Variants in MEGF8 observed in about 807,000 individuals in gnomAD.
The protein encoded by MEGF8 is multiple EGF like domains 8.
In MEGF8, 156 loss-of-function variants were observed where a neutral mutation model predicts 302.9. The observed-to-expected ratio is 0.52, with a 90% CI of 0.45 to 0.59. MEGF8 has a LOEUF of 0.59. MEGF8 is among the 20% of genes least tolerant of loss of function. The pLI is 0.00. For missense variants in MEGF8, 3,345 were observed against 3,964.5 expected (o/e 0.84, Z 4.20); for synonymous variants, 1,621 against 1,660.5 (o/e 0.98, Z 0.58).
In MEGF8 at chr19:42,326,175, C is replaced by A; in HGVS notation, c.-69C>A. The stretch of plus-strand genomic sequence containing the variant: ...GAGGTCGCATTTGCAGGGCCTCACC[C>A]CGGGTAGAGGGTCCTCTCCAGGTTT... On this transcript the variant is annotated 5_prime_UTR_variant, in exon 1 of 42. Transcript: ENST00000251268. 2 of 1,433,982 alleles carry A rather than the reference C, an allele frequency of 1.4e-6. No individual in the cohort carries two copies. Among genetic ancestry groups the A allele is most frequent in the Non-Finnish European group, 9.1e-7 (1 of 1,099,618 alleles). The allele number at this position is 1,433,982 out of a possible 1,614,324, so 88.8% of individuals were successfully genotyped here. A position where few individuals can be genotyped will look rare whatever the true frequency, so the allele number is the denominator to read the frequency against.
chr19:42,360,638 C>T, intron 31 of MEGF8, 137 bp from the exon 32 acceptor site: 1 of 1,471,752 alleles, frequency 6.8e-7, no homozygotes, highest in South Asian at 1.4e-5. Flanking sequence ...AGCCACCGCC[C>T]TTGGCCTTGT....
rs1341443595 is a variant in MEGF8, at chr19:42,335,995, TG to T, written c.895del (p.Ala299LeufsTer81). 6.5e-7 allele frequency: 1 copy of T among 1,540,612 alleles called. No individual in the cohort carries two copies. The highest frequency in any genetic ancestry group is 2.0e-5 in the Admixed American group (1 of 50,998). Reference protein sequence around the residue: ...AGSLVLMGGELADGSLTNDVW... With the variant: ...AGSLVLMGGEXADGSLTNDVW... ...TCCCTGGTACTGATGGGTGGTGAGCTGGCTGACGGCTCGCTCACCAACGACG... is the reference window on the plus strand; with the variant it reads ...TCCCTGGTACTGATGGGTGGTGAGCTGCTGACGGCTCGCTCACCAACGACG... On this transcript the variant is annotated frameshift_variant, in exon 6 of 42. Coordinates refer to ENST00000251268, the MANE Select transcript of MEGF8 (RefSeq NM_001271938.2). LOFTEE classifies it high-confidence loss of function.
At chr19:42,363,759 G>A (rs979909126) in intron 35 of MEGF8, among the ~76,000 whole-genome samples, 12 of 152,148 alleles carry the variant, frequency 7.9e-5, no homozygotes, top group African/African-American at 2.7e-4. Context: ...TTATAAGGAA[G>A]TGTGGGTATT....
At position 42,326,086 on chromosome 19, in the gene MEGF8, C is replaced by A; in HGVS notation, c.-158C>A. On this transcript the variant is annotated 5_prime_UTR_variant, in exon 1 of 42. Transcript: ENST00000251268. ...CCAGAGCCTGTCAGCAGTGGCCGTACCCTTCGCCGGGACTGCCGGGTCTCC... is the reference window on the plus strand; with the variant it reads ...CCAGAGCCTGTCAGCAGTGGCCGTAACCTTCGCCGGGACTGCCGGGTCTCC... 8.1e-7 allele frequency: 1 copy of A among 1,235,542 alleles called. No homozygotes were observed. The highest frequency in any genetic ancestry group is 1.1e-6 in the Non-Finnish European group (1 of 948,020). The allele number at this position is 1,235,542 out of a possible 1,614,324, so 76.5% of individuals were successfully genotyped here.
In MEGF8 at chr19:42,326,213, C is replaced by T. The variant is rs752965495; in HGVS notation, c.-31C>T. The T allele has an allele frequency of 1.2e-4, 175 of 1,472,716 alleles. No individual in the cohort carries two copies. The highest frequency in any genetic ancestry group is 1.5e-4 in the Non-Finnish European group (173 of 1,119,316). 91.2% of individuals were successfully genotyped at this position (1,472,716 alleles called of 1,614,324 possible). A position where few individuals can be genotyped will look rare whatever the true frequency, so the allele number is the denominator to read the frequency against. On this transcript the variant is annotated 5_prime_UTR_variant, in exon 1 of 42. Coordinates refer to ENST00000251268, the MANE Select transcript of MEGF8 (RefSeq NM_001271938.2). ...CCTCTCCAGGTTTTTACGGCCTGTC[C>T]CCGCTCTAAGGGTCAGTGCAGGAGG...
rs770879154 is a variant in MEGF8, at chr19:42,357,542, G to T, written c.4969G>T (p.Gly1657Cys). The change falls in exon 28 of 42, where the codon GGC becomes TGC. Residue 1657 changes from glycine to cysteine, a missense_variant. By Grantham distance (159) the Gly-to-Cys change is radical. Transcript: ENST00000251268. The surrounding 1 kb of genome is among the most constrained non-coding windows in gnomAD (Gnocchi z 5.2). Reference protein sequence around the residue: ...QQLLEYQLATGTWVSGAQSGT... With the variant: ...QQLLEYQLATCTWVSGAQSGT... ...GCTGCTGGAGTACCAGCTGGCAACC[G>T]GCACCTGGGTGTCAGGAGCCCAGAG... is the stretch of plus-strand genomic sequence containing the variant. 5 of 1,612,844 alleles carry T rather than the reference G, an allele frequency of 3.1e-6. No individual in the cohort carries two copies. The African/African-American group carries it at 6.7e-5, about 22-fold the overall frequency.
intron 8 of MEGF8, among the ~76,000 whole-genome samples, chr19:42,338,082 A>C (rs1257911253): frequency 6.6e-6 from 1 of 152,168 alleles, no homozygotes; most frequent in Non-Finnish European, 1.5e-5. Context: ...CTGGGATCAC[A>C]TGTGTGAGCC....
rs1354759014 is a variant in MEGF8 at position 42,333,728 on chromosome 19, G to C, written c.311G>C (p.Gly104Ala). ...GGGCCGCTGCTTGCCAGTCTAAGTG[G>C]GAGCACCCGACCTCCGCCCATCGAA... ...PRGPLLASLS[G>A]STRPPPIEAS... is the part of the protein sequence containing the mutation. Residue 104 changes from glycine (G) to alanine (A), a missense_variant, in exon 2 of 42, where the codon GGG (glycine) becomes GCG (alanine). Gly to Ala is a moderately conservative substitution (Grantham distance 60). Transcript: ENST00000251268. 1.9e-6 allele frequency: 3 copies of C among 1,613,974 alleles called. No individual in the cohort carries two copies. Among genetic ancestry groups the C allele is most frequent in the Non-Finnish European group, 2.5e-6 (3 of 1,179,882 alleles).
In MEGF8 at chr19:42,348,751, C is replaced by T. The variant is rs187893843; in HGVS notation, c.2298+279C>T. The stretch of plus-strand genomic sequence containing the variant: ...CGTAGCTGGGATTACAGATGTGCAT[C>T]AGCACTCCTGGCTAATTTTTTTGCA... On this transcript the variant is annotated intron_variant, in intron 13 of 41. Transcript: ENST00000251268. Among the ~76,000 whole-genome samples, 55 of 152,344 alleles carry T rather than the reference C, an allele frequency of 3.6e-4. No homozygotes were observed. The East Asian group carries it at 0.01, about 28-fold the overall frequency.
chr19:42,370,102 C>T (rs927530027), intron 38 of MEGF8, 87 bp from the exon 39 acceptor site: 9 of 1,429,106 alleles, frequency 6.3e-6, no homozygotes, highest in Non-Finnish European at 7.6e-6. Context: ...CTCCCGTGGG[C>T]TCTCAGAACC....
chr19:42,362,007 T>C, intron 32 of MEGF8, 83 bp from the exon 33 acceptor site: 1 of 1,550,708 alleles, frequency 6.4e-7, no homozygotes, highest in Non-Finnish European at 8.7e-7. Flanking sequence ...GGATGCAGGG[T>C]TGGGGGCCTG....
Position 42,326,338 on chromosome 19 carries a change from G to A in MEGF8, c.95G>A (p.Gly32Glu), listed in dbSNP as rs751060296. The A allele has an allele frequency of 1.3e-6, 2 of 1,582,278 alleles. No individual in the cohort carries two copies. The highest frequency in any genetic ancestry group is 1.7e-6 in the Non-Finnish European group (2 of 1,168,134). The change falls in exon 1 of 42, where the codon GGG becomes GAG. Residue 32 changes from glycine to glutamate, a missense_variant. Gly to Glu is a moderately conservative substitution (Grantham distance 98). Coordinates refer to ENST00000251268, the MANE Select transcript of MEGF8 (RefSeq NM_001271938.2). The part of the protein sequence containing the change: ...SPGARAGDCK[G>E]QRQVLREAPG... ...GGGGCCCGGGCGGGGGACTGCAAGG[G>A]GCAGCGGCAGGTGCTGCGGGAGGCG...
Position 42,336,903 on chromosome 19 carries a change from G to C in MEGF8, c.1341G>C (p.Glu447Asp). 6.2e-7 allele frequency: 1 copy of C among 1,613,756 alleles called. No homozygotes were observed. The highest frequency in any genetic ancestry group is 8.5e-7 in the Non-Finnish European group (1 of 1,179,782). The change falls in exon 7 of 42, where the codon GAG becomes GAC. Residue 447 changes from glutamate to aspartate, a missense_variant. Physicochemically the swap from Glu to Asp is conservative, Grantham distance 45. Transcript: ENST00000251268. This position sits in a 1 kb window ranked among gnomAD's most constrained non-coding sequence, Gnocchi z 4.8. ...KGRDGLQGPR[E>D]RAFHTASVLG... ...GGGATGGGCTTCAGGGCCCAAGGGA[G>C]CGAGCCTTCCACACAGCCAGTGTTC...
Position 42,351,489 on chromosome 19 carries a change from CCA to C in MEGF8, c.2920_2921del (p.Thr974LeufsTer40). 1 of 1,605,362 alleles carries C rather than the reference CCA, an allele frequency of 6.2e-7. No individual in the cohort carries two copies. Among genetic ancestry groups the C allele is most frequent in the Non-Finnish European group, 8.5e-7 (1 of 1,176,400 alleles). On this transcript the variant is annotated frameshift_variant, in exon 17 of 42. Coordinates refer to ENST00000251268, the MANE Select transcript of MEGF8 (RefSeq NM_001271938.2). LOFTEE classifies it high-confidence loss of function. This position sits in a 1 kb window ranked among gnomAD's most constrained non-coding sequence, Gnocchi z 5.6. Reference protein sequence around the residue: ...SSQCAWCQSTHTCFLFAAYLA... With the variant: ...SSQCAWCQSTXTCFLFAAYLA... ...GCCAGTGCGCCTGGTGCCAGTCCACCCACACCTGCTTCCTGTTTGCTGCCTAC... is the reference window on the plus strand; with the variant it reads ...GCCAGTGCGCCTGGTGCCAGTCCACCCACCTGCTTCCTGTTTGCTGCCTAC...
intron 41 of MEGF8, among the ~76,000 whole-genome samples, chr19:42,372,074 A>ACAACAAACAC (rs1555784681): frequency 1.1e-4 from 9 of 79,228 alleles, no homozygotes; most frequent in African/African-American, 2.6e-4. Flanking sequence ...AACAACAACA[A>ACAACAAACAC]ACACACACAC....
At chr19:42,348,499 G>A in intron 13 of MEGF8, 27 bp downstream of exon 13, 3 of 1,489,742 alleles carry the variant, frequency 2.0e-6, no homozygotes, top group Middle Eastern at 3.5e-4. Context: ...CATTCAGGGG[G>A]TTGTTTATGG....
Position 42,354,521 on chromosome 19 carries a change from CCT to C in MEGF8, c.4012-65_4012-64del, listed in dbSNP as rs1327009095. 1 of 1,542,540 alleles carries C rather than the reference CCT, an allele frequency of 6.5e-7. No individual in the cohort carries two copies. The highest frequency in any genetic ancestry group is 2.3e-5 in the East Asian group (1 of 43,894). On this transcript the variant is annotated intron_variant, in intron 22 of 41. Transcript: ENST00000251268. This position sits in a 1 kb window ranked among gnomAD's most constrained non-coding sequence, Gnocchi z 4.3. ...TGCCCTCCCCTCTTGAACCCCTCCTCCTCCCAGACCCCAGGTGTCGTTCTCAT... is the reference window on the plus strand; with the variant it reads ...TGCCCTCCCCTCTTGAACCCCTCCTCCCCAGACCCCAGGTGTCGTTCTCAT...
At chr19:42,328,339 A>G (rs1324902983) in intron 1 of MEGF8, among the ~76,000 whole-genome samples, 1 of 152,158 alleles carries the variant, frequency 6.6e-6, no homozygotes, top group African/African-American at 2.4e-5. Flanking sequence ...TGGATCATGC[A>G]GGGCCTCCCT....
rs1003593093 is a variant in MEGF8 at position 42,377,515 on chromosome 19, G to A, written c.*740G>A. ...ATTTAAGAATTTAAGAGGGTCGGGT[G>A]CGGTGGCTCATGCCTATAATCCTAG... On this transcript the variant is annotated 3_prime_UTR_variant, in exon 42 of 42. Transcript: ENST00000251268. 6.6e-6 allele frequency: 1 copy of A among 152,604 alleles called. No individual in the cohort carries two copies. The highest frequency in any genetic ancestry group is 2.4e-5 in the African/African-American group (1 of 41,446). 9.5% of individuals were successfully genotyped at this position (152,604 alleles called of 1,614,324 possible).
Sources: allele counts gnomAD v4.1 joint callset (sites outside exome capture counted in the v4.1 genomes callset), GRCh38; gene constraint gnomAD v4.1.1; non-coding constraint Gnocchi (gnomAD v3.1); transcripts MANE v1.5; gene names NCBI Gene and HGNC (gene_info 2026-07-23, HGNC 2026-07-21).